Variants in KCNAB1 observed in about 807,000 individuals in gnomAD.
The protein encoded by KCNAB1 is potassium voltage-gated channel subfamily A regulatory beta subunit 1, also known as voltage-gated potassium channel subunit beta-1.
Under a neutral mutation model 64.6 loss-of-function variants are expected in KCNAB1, and 35 were observed. The observed-to-expected ratio is 0.54, with a 90% CI of 0.41 to 0.72. KCNAB1 has a LOEUF of 0.72. KCNAB1 is among the 30% of genes least tolerant of loss of function. The pLI, the probability that KCNAB1 is intolerant of heterozygous loss-of-function variation, is 0.00. For synonymous variants in KCNAB1, 177 were observed against 183.8 expected, an observed-to-expected ratio of 0.96 and a Z score of 0.30; for missense variants, 401 against 512.9, an observed-to-expected ratio of 0.78 and a Z score of 2.11.
chr3:156,286,585 G>A (rs1353984096), intron 1 of KCNAB1, among the ~76,000 whole-genome samples: 1 of 152,080 alleles, frequency 6.6e-6, no homozygotes, highest in Non-Finnish European at 1.5e-5. Flanking sequence ...CAGGTGATAG[G>A]AAAAAAATTT....
intron 11 of KCNAB1, among the ~76,000 whole-genome samples, chr3:156,522,152 G>A (rs1238825991): frequency 2.0e-5 from 3 of 147,356 alleles, no homozygotes; most frequent in Non-Finnish European, 4.5e-5. Flanking sequence ...TACATGCATG[G>A]TATATACTGA....
intron 6 of KCNAB1, among the ~76,000 whole-genome samples, chr3:156,464,923 G>A (rs1445922588): frequency 1.3e-5 from 2 of 151,948 alleles, no homozygotes; most frequent in South Asian, 2.1e-4. Context: ...TACTACCTAC[G>A]GTATTACTAA....
intron 1 of KCNAB1, among the ~76,000 whole-genome samples, chr3:156,354,166 A>AT (rs71624586): frequency 1.4e-5 from 2 of 144,874 alleles, no homozygotes; most frequent in African/African-American, 5.0e-5. Flanking sequence ...ATATGTATAT[A>AT]TTTTTTTTTG....
At position 156,508,838 on chromosome 3, in the gene KCNAB1, G is replaced by A. The variant is rs192583630; in HGVS notation, c.659-5526G>A. ...TGTACGAGAGCTGCCTGTGGCGGGTGAGCGCTGGGGAGGCATCATTAGGTT... is the reference window on the plus strand; with the variant it reads ...TGTACGAGAGCTGCCTGTGGCGGGTAAGCGCTGGGGAGGCATCATTAGGTT... On this transcript the variant is annotated intron_variant, in intron 8 of 13. Transcript: ENST00000490337. The surrounding 1 kb of genome is among the most constrained non-coding windows in gnomAD (Gnocchi z 4.1). 3.9e-5 allele frequency among the ~76,000 whole-genome samples: 6 copies of A among 152,330 alleles called. No individual in the cohort carries two copies. The highest frequency in any genetic ancestry group is 1.3e-4 in the Admixed American group (2 of 15,300).
intron 1 of KCNAB1, among the ~76,000 whole-genome samples, chr3:156,242,023 T>C (rs1360479535): frequency 6.6e-6 from 1 of 152,150 alleles, no homozygotes; most frequent in Non-Finnish European, 1.5e-5. Flanking sequence ...ACCCTCCTAT[T>C]TGGCCTGTTG....
rs147332898 is a variant in KCNAB1, at chr3:156,218,798, A to AT, written c.275+97912_275+97913insT. Among the ~76,000 whole-genome samples the AT allele has an allele frequency of 9.3e-3, 349 of 37,340 alleles. 1 individual carries two copies. Among genetic ancestry groups the AT allele is most frequent in the African/African-American group, 0.027 (311 of 11,428 alleles). The allele number at this position is 37,340 out of a possible 152,430, so 24.5% of individuals were successfully genotyped here. On this transcript the variant is annotated intron_variant, in intron 1 of 13. Transcript: ENST00000490337. ...AGACCCAGAACAGCAAAAAAAAAAA[A>AT]AAAAATAATAATAAAATAAAATAAA...
chr3:156,343,896 A>G (rs1350287657), intron 1 of KCNAB1, among the ~76,000 whole-genome samples: 4 of 152,234 alleles, frequency 2.6e-5, no homozygotes, highest in Admixed American at 1.3e-4. Flanking sequence ...GTGAAGATCC[A>G]ATTTGACACA....
chr3:156,271,017 G>C (rs1719007794), intron 1 of KCNAB1, among the ~76,000 whole-genome samples: 1 of 152,166 alleles, frequency 6.6e-6, no homozygotes, highest in African/African-American at 2.4e-5. Flanking sequence ...CACTCTCTCT[G>C]AGCCTGTAAG....
At chr3:156,372,179 A>T (rs150842009) in intron 1 of KCNAB1, among the ~76,000 whole-genome samples, 2,021 of 152,300 alleles carry the variant, frequency 0.013, 17 homozygotes, top group South Asian at 0.031. Flanking sequence ...ACAGAAGCAA[A>T]TTAGGCAGAG....
intron 1 of KCNAB1, among the ~76,000 whole-genome samples, chr3:156,204,284 C>T (rs750548997): frequency 2.0e-5 from 3 of 152,180 alleles, no homozygotes; most frequent in Non-Finnish European, 4.4e-5. Context: ...TCCTACTCAT[C>T]GCTGCATGGC....
chr3:156,222,507 C>G lies in KCNAB1; in HGVS notation c.275+101621C>G, dbSNP rs555569397. ...GGACTCTAACACTCCACTGACAGCA[C>G]TAGACAGGTCATCAAGACAGAAAGT... On this transcript the variant is annotated intron_variant, in intron 1 of 13. Coordinates refer to ENST00000490337, the MANE Select transcript of KCNAB1 (RefSeq NM_172160.3). Among the ~76,000 whole-genome samples, 4 of 152,274 alleles carry G rather than the reference C, an allele frequency of 2.6e-5. No individual in the cohort carries two copies. In the South Asian group the frequency reaches 8.3e-4, roughly 32 times the overall value.
At chr3:156,139,584 GTTTTTTTTTTTTT>G (rs386398329) in intron 1 of KCNAB1, among the ~76,000 whole-genome samples, 241 of 55,266 alleles carry the variant, frequency 4.4e-3, no homozygotes, top group Middle Eastern at 0.022. Flanking sequence ...ATTGTACTGT[GTTTTTTTTTTTTT>G]TTTTTTTTTT....
chr3:156,393,761 G>A (rs1713225812), intron 1 of KCNAB1, among the ~76,000 whole-genome samples: 2 of 152,174 alleles, frequency 1.3e-5, no homozygotes, highest in South Asian at 2.1e-4. Flanking sequence ...GAGGGTTGAA[G>A]ACAGGATGTT....
chr3:156,415,075 C>T (rs535866207), intron 1 of KCNAB1, among the ~76,000 whole-genome samples: 1 of 152,262 alleles, frequency 6.6e-6, no homozygotes, highest in East Asian at 1.9e-4. Context: ...TAGATTCAGG[C>T]TATCTGCAAT....
At chr3:156,177,883 G>T (rs575837156) in intron 1 of KCNAB1, among the ~76,000 whole-genome samples, 2 of 151,504 alleles carry the variant, frequency 1.3e-5, no homozygotes, top group African/African-American at 2.4e-5. Context: ...GATTATAGGC[G>T]CCCGCCATCA....
intron 1 of KCNAB1, chr3:156,176,463 C>T (rs963532987): frequency 1.8e-4 from 144 of 786,540 alleles, no homozygotes; most frequent in Middle Eastern, 6.7e-4. Context: ...GAAGTATGTC[C>T]CTTTAGCGTT....
At chr3:156,505,760 T>C (rs1464069647) in intron 8 of KCNAB1, among the ~76,000 whole-genome samples, 3 of 152,170 alleles carry the variant, frequency 2.0e-5, no homozygotes, top group African/African-American at 7.2e-5. Flanking sequence ...TGGCATCTGC[T>C]TCTGGTGAGG....
chr3:156,277,494 GT>G (rs1294696345), intron 1 of KCNAB1, among the ~76,000 whole-genome samples: 1 of 152,148 alleles, frequency 6.6e-6, no homozygotes, highest in African/African-American at 2.4e-5. Flanking sequence ...AGGTATGCCT[GT>G]ATTTGTTCTT....
chr3:156,214,215 C>T (rs530688169), intron 1 of KCNAB1, among the ~76,000 whole-genome samples: 1 of 152,088 alleles, frequency 6.6e-6, no homozygotes, highest in African/African-American at 2.4e-5. Context: ...AATGTTACAG[C>T]GAATTATTGA....
Sources: gnomAD v4.1 joint callset for allele counts (sites outside exome capture counted in the v4.1 genomes callset) on GRCh38, gnomAD v4.1.1 for gene constraint, Gnocchi (gnomAD v3.1) non-coding constraint, MANE v1.5 for transcripts, NCBI Gene and HGNC (gene_info 2026-07-23, HGNC 2026-07-21) for gene names.